FAM131B: variants seen among roughly 807,000 people sequenced by gnomAD.
The protein encoded by FAM131B is protein FAM131B.
In FAM131B, 19 loss-of-function variants were observed where a neutral mutation model predicts 42.0. The ratio of observed to expected loss-of-function variants is 0.45; its 90% CI spans 0.32 to 0.66. The LOEUF is 0.66. FAM131B is among the 30% of genes least tolerant of loss of function. FAM131B has a pLI of 0.05. For missense variants in FAM131B, 370 were observed against 468.4 expected, an observed-to-expected ratio of 0.79 and a Z score of 1.94; for synonymous variants, 183 against 177.6, an observed-to-expected ratio of 1.03 and a Z score of -0.24.
chr7:143,374,845 G>T, the FAM131B span, among the ~76,000 whole-genome samples: 2 of 152,156 alleles, frequency 1.3e-5, no homozygotes, highest in Non-Finnish European at 2.9e-5. Context: ...CTCTGCTTGG[G>T]CTTCCCTCTC....
chr7:143,377,188 C>T, the FAM131B span, among the ~76,000 whole-genome samples: 1 of 152,120 alleles, frequency 6.6e-6, no homozygotes, highest in Admixed American at 6.5e-5. Flanking sequence ...GAACTCCCGG[C>T]CTCAAGTGAT....
At position 143,355,930 on chromosome 7, in the gene FAM131B, A is replaced by T. The variant is rs1280884958; in HGVS notation, c.*620T>A. On this transcript the variant is annotated 3_prime_UTR_variant, in exon 7 of 7. Transcript: ENST00000443739. This position sits in a 1 kb window ranked among gnomAD's most constrained non-coding sequence, Gnocchi z 4.1. Reference sequence around the variant, plus strand: ...GCCCCCTGTAGATCTCAGCTGCCACATCCACCTCCTCCTCGACTCCTGATC... The same window carrying T: ...GCCCCCTGTAGATCTCAGCTGCCACTTCCACCTCCTCCTCGACTCCTGATC... The T allele has an allele frequency of 1.3e-5, 2 of 153,922 alleles. No homozygotes were observed. The highest frequency in any genetic ancestry group is 1.3e-4 in the Admixed American group (2 of 15,488). The allele number at this position is 153,922 out of a possible 1,614,324, so 9.5% of individuals were successfully genotyped here. A position where few individuals can be genotyped will look rare whatever the true frequency, so the allele number is the denominator to read the frequency against.
the FAM131B span, chr7:143,380,686 C>T: frequency 1.0e-6 from 1 of 985,268 alleles, no homozygotes; most frequent in Non-Finnish European, 1.2e-6. This position sits in a 1 kb window ranked among gnomAD's most constrained non-coding sequence, Gnocchi z 5.0. Context: ...GTTCGTATCC[C>T]CAAGAATGCT....
rs972987747 is a variant in FAM131B at position 143,356,419 on chromosome 7, G to A, written c.*131C>T. 13 of 661,772 alleles carry A rather than the reference G, an allele frequency of 2.0e-5. No individual in the cohort carries two copies. The highest frequency in any genetic ancestry group is 2.8e-5 in the Admixed American group (1 of 36,330). The allele number at this position is 661,772 out of a possible 1,614,324, so 41.0% of individuals were successfully genotyped here. ...CCATCCTGGTCCTCCATTTCCAGGA[G>A]AGGACTGGAAGCTCCTGGGTTCCCC... On this transcript the variant is annotated 3_prime_UTR_variant, in exon 7 of 7. Transcript: ENST00000443739. The surrounding 1 kb of genome is among the most constrained non-coding windows in gnomAD (Gnocchi z 4.4).
rs745323408 is a variant in FAM131B at position 143,357,231 on chromosome 7, T to C, written c.610+49A>G. ...GCTGAGTGGAGGCAGCTGAGATAGTTGGGGAGGCCTCATAGGCTCCAGAGT... is the reference window on the plus strand; with the variant it reads ...GCTGAGTGGAGGCAGCTGAGATAGTCGGGGAGGCCTCATAGGCTCCAGAGT... On this transcript the variant is annotated intron_variant, in intron 6 of 6. Transcript: ENST00000443739. 3 of 1,591,104 alleles carry C rather than the reference T, an allele frequency of 1.9e-6. No individual in the cohort carries two copies. In the South Asian group the frequency reaches 3.4e-5, roughly 18 times the overall value.
rs1173579212 is a variant in FAM131B, at chr7:143,358,295, G to A, written c.466+532C>T. Among the ~76,000 whole-genome samples the A allele has an allele frequency of 6.6e-6, 1 of 152,100 alleles. No individual in the cohort carries two copies. Among genetic ancestry groups the A allele is most frequent in the Admixed American group, 6.5e-5 (1 of 15,274 alleles). On this transcript the variant is annotated intron_variant, in intron 5 of 6. Coordinates refer to ENST00000443739, the MANE Select transcript of FAM131B (RefSeq NM_001031690.3). This position sits in a 1 kb window ranked among gnomAD's most constrained non-coding sequence, Gnocchi z 4.7. ...GCATCTTATTTAGACCTGCACTACA[G>A]CTTGGCCACTCTTGTAGGCACACTG... is the stretch of plus-strand genomic sequence containing the variant.
chr7:143,381,309 C>T, the FAM131B span: 1 of 1,113,862 alleles, frequency 9.0e-7, no homozygotes, highest in African/African-American at 1.7e-5. Context: ...CCGTGTGTCC[C>T]TCCCCGCCCG....
upstream of FAM131B, among the ~76,000 whole-genome samples, chr7:143,367,220 G>C (rs907204936): frequency 1.3e-5 from 2 of 152,158 alleles, no homozygotes; most frequent in Non-Finnish European, 2.9e-5. Flanking sequence ...AGGATGAGAG[G>C]GTCCATGGCA....
At chr7:143,371,357 A>T in the FAM131B span, among the ~76,000 whole-genome samples, 1 of 152,198 alleles carries the variant, frequency 6.6e-6, no homozygotes, top group African/African-American at 2.4e-5. Flanking sequence ...CATGCCTGTA[A>T]TCCCAGCACT....
chr7:143,375,143 A>G, the FAM131B span, among the ~76,000 whole-genome samples: 1 of 152,208 alleles, frequency 6.6e-6, no homozygotes, highest in African/African-American at 2.4e-5. Flanking sequence ...TCGTGATGCA[A>G]TGAAAGTCCT....
Position 143,357,437 on chromosome 7 carries a change from T to C in FAM131B, c.467-14A>G, listed in dbSNP as rs539774168. ...GCTCCATGACGCCTGGGGGAAGAAA[T>C]GCAACAACCACAAAATACCTCAGGG... On this transcript the variant is annotated splice_polypyrimidine_tract_variant and intron_variant, in intron 5 of 6. Transcript: ENST00000443739. The C allele has an allele frequency of 1.8e-4, 284 of 1,602,918 alleles. 7 individuals carry two copies. In the South Asian group the frequency reaches 3.0e-3, roughly 17 times the overall value.
At chr7:143,357,492 A>G (rs6958357) in intron 5 of FAM131B, 69 bp from the exon 6 acceptor site, 1,462,080 of 1,462,198 alleles carry the variant, frequency 1, 730,981 homozygotes, top group Middle Eastern at 1. Context: ...GGGGTAGGAA[A>G]ACATCTTAGT....
rs752893250 is a variant in FAM131B at position 143,360,046 on chromosome 7, C to A, written c.132G>T (p.Ser44=). 3 of 1,612,540 alleles carry A rather than the reference C, an allele frequency of 1.9e-6. No individual in the cohort carries two copies. The highest frequency in any genetic ancestry group is 2.7e-5 in the African/African-American group (2 of 74,864). Residue 44 remains serine, a synonymous_variant, in exon 2 of 7, where the codon TCG becomes TCT. Transcript: ENST00000443739. ...TGGCTGAGTGAGGTCTCACCTCAGTCGATGGCCGATGGAGGCTGCTCCCGT... is the reference window on the plus strand; with the variant it reads ...TGGCTGAGTGAGGTCTCACCTCAGTAGATGGCCGATGGAGGCTGCTCCCGT... The part of the protein sequence containing the change: ...SLHGSSLHRP[S]TEQTRTDFSW...
the FAM131B span, among the ~76,000 whole-genome samples, chr7:143,369,305 C>T: frequency 2.0e-3 from 308 of 152,318 alleles, 1 homozygote; most frequent in South Asian, 0.016. Context: ...ACATTAAGCC[C>T]TGTTGAAATA....
At chr7:143,379,466 G>C in the FAM131B span, among the ~76,000 whole-genome samples, 3 of 152,210 alleles carry the variant, frequency 2.0e-5, no homozygotes, top group African/African-American at 7.2e-5. Context: ...CAGAGAAAAA[G>C]ATCAGTGGGG....
intron 5 of FAM131B, among the ~76,000 whole-genome samples, 179 bp from the exon 6 acceptor site, chr7:143,357,602 G>A (rs1803730381): frequency 6.6e-6 from 1 of 152,110 alleles, no homozygotes; most frequent in Non-Finnish European, 1.5e-5. Context: ...TAAATCAATT[G>A]AAATAATAGA....
chr7:143,374,223 G>C, the FAM131B span, among the ~76,000 whole-genome samples: 1 of 152,078 alleles, frequency 6.6e-6, no homozygotes, highest in Non-Finnish European at 1.5e-5. Flanking sequence ...CTCATTCTCA[G>C]TACGTCCAGA....
upstream of FAM131B, among the ~76,000 whole-genome samples, chr7:143,366,992 T>C (rs1019715457): frequency 6.6e-6 from 1 of 152,206 alleles, no homozygotes; most frequent in African/African-American, 2.4e-5. Flanking sequence ...CAGAGGCAAG[T>C]CATGGATGAG....
the FAM131B span, chr7:143,381,809 C>T: frequency 5.3e-6 from 8 of 1,500,892 alleles, no homozygotes; most frequent in Admixed American, 7.3e-5. Flanking sequence ...GAATGTACCC[C>T]GGCAGGAGCC....
Sources: allele counts gnomAD v4.1 joint callset (sites outside exome capture counted in the v4.1 genomes callset), GRCh38; gene constraint gnomAD v4.1.1; non-coding constraint Gnocchi (gnomAD v3.1); transcripts MANE v1.5; gene names NCBI Gene and HGNC (gene_info 2026-07-23, HGNC 2026-07-21).